Variants in GALNT13 observed in about 807,000 individuals in gnomAD.
The protein encoded by GALNT13 is UDP-GalNAc:polypeptide N-acetylgalactosaminyltransferase 13.
In GALNT13, 28 loss-of-function variants were observed where a neutral mutation model predicts 64.2. That is an observed-to-expected ratio of 0.44 (90% CI 0.32 to 0.60). GALNT13 has a LOEUF of 0.60. Ranked by LOEUF, GALNT13 falls within the 20% of genes least tolerant of loss-of-function variation. The pLI is 0.05. For missense variants in GALNT13, 577 were observed against 669.8 expected, an observed-to-expected ratio of 0.86 and a Z score of 1.53; for synonymous variants, 214 against 224.6, an observed-to-expected ratio of 0.95 and a Z score of 0.42.
the GALNT13 span, among the ~76,000 whole-genome samples, chr2:153,122,581 A>T: frequency 1.3e-5 from 2 of 152,170 alleles, no homozygotes; most frequent in Non-Finnish European, 2.9e-5. Context: ...GATGCAGAAG[A>T]CAAAGCTCTG....
chr2:153,178,431 G>C, the GALNT13 span, among the ~76,000 whole-genome samples: 404 of 152,140 alleles, frequency 2.7e-3, 4 homozygotes, highest in African/African-American at 9.2e-3. Flanking sequence ...TCTCATTGTG[G>C]TTTTAGTTTG....
the GALNT13 span, among the ~76,000 whole-genome samples, chr2:153,265,640 C>G: frequency 6.6e-6 from 1 of 152,108 alleles, no homozygotes; most frequent in Non-Finnish European, 1.5e-5. Context: ...GTATTGTGAT[C>G]TCTAATCTGA....
At chr2:153,551,047 A>G in the GALNT13 span, among the ~76,000 whole-genome samples, 1 of 152,194 alleles carries the variant, frequency 6.6e-6, no homozygotes, top group East Asian at 1.9e-4. Flanking sequence ...ATTGTAATAC[A>G]AGTCCAAAAA....
intron 2 of GALNT13, among the ~76,000 whole-genome samples, chr2:153,909,898 G>T (rs1413279271): frequency 6.6e-6 from 1 of 151,954 alleles, no homozygotes; most frequent in African/African-American, 2.4e-5. Flanking sequence ...TTCTCTTTTG[G>T]TTGTGTCACT....
chr2:154,147,611 G>C (rs1177249830), intron 4 of GALNT13, among the ~76,000 whole-genome samples: 1 of 151,846 alleles, frequency 6.6e-6, no homozygotes, highest in African/African-American at 2.4e-5. Flanking sequence ...TCTTTGCTAG[G>C]AATGTGCATC....
the GALNT13 span, among the ~76,000 whole-genome samples, chr2:153,699,589 C>T: frequency 4.6e-5 from 7 of 151,224 alleles, no homozygotes; most frequent in Admixed American, 1.3e-4. Flanking sequence ...ATAGACGGAC[C>T]GCAAGCTAGA....
chr2:153,867,673 T>C (rs1281880801), upstream of GALNT13, among the ~76,000 whole-genome samples: 2 of 151,874 alleles, frequency 1.3e-5, no homozygotes, highest in Non-Finnish European at 2.9e-5. Context: ...TAATGTAGAA[T>C]CAGTGGGAGC....
the GALNT13 span, among the ~76,000 whole-genome samples, chr2:153,761,193 T>A: frequency 2.0e-5 from 3 of 152,196 alleles, no homozygotes; most frequent in African/African-American, 7.2e-5. Context: ...TCTATGTCTT[T>A]TTATTGGACA....
chr2:153,593,402 T>A, the GALNT13 span: 1 of 151,968 alleles, frequency 6.6e-6, no homozygotes, highest in Non-Finnish European at 1.5e-5. Flanking sequence ...CTCACCCCCA[T>A]CCCCCACAGC....
the GALNT13 span, among the ~76,000 whole-genome samples, chr2:153,567,233 C>T: frequency 6.6e-6 from 1 of 152,190 alleles, no homozygotes; most frequent in Non-Finnish European, 1.5e-5. Context: ...CTGCCTTCTT[C>T]TCACTGGAGT....
At chr2:153,635,905 G>A in the GALNT13 span, among the ~76,000 whole-genome samples, 4 of 152,022 alleles carry the variant, frequency 2.6e-5, no homozygotes, top group East Asian at 7.7e-4. Context: ...TGAGGCAGGG[G>A]TAAAAAGAAA....
chr2:154,190,947 GTATC>G (rs1686543386), intron 4 of GALNT13, among the ~76,000 whole-genome samples: 1 of 152,136 alleles, frequency 6.6e-6, no homozygotes, highest in Non-Finnish European at 1.5e-5. Context: ...AATCTGGTGT[GTATC>G]TTATACTTAA....
chr2:154,158,528 C>T (rs1370462399), intron 4 of GALNT13, among the ~76,000 whole-genome samples: 1 of 151,646 alleles, frequency 6.6e-6, no homozygotes, highest in African/African-American at 2.4e-5. Context: ...TCTTTAGCAC[C>T]CTTCCATCTC....
chr2:153,300,105 T>C, the GALNT13 span, among the ~76,000 whole-genome samples: 2 of 152,178 alleles, frequency 1.3e-5, no homozygotes, highest in South Asian at 2.1e-4. Flanking sequence ...TTACTGTTAC[T>C]GAGATTTTAT....
chr2:153,260,240 C>T, the GALNT13 span, among the ~76,000 whole-genome samples: 4 of 152,116 alleles, frequency 2.6e-5, no homozygotes, highest in African/African-American at 4.8e-5. Flanking sequence ...GAGTAGTTTA[C>T]ACAGCACAGT....
At chr2:154,296,091 A>C (rs1692908096) in intron 8 of GALNT13, among the ~76,000 whole-genome samples, 1 of 151,960 alleles carries the variant, frequency 6.6e-6, no homozygotes, top group Non-Finnish European at 1.5e-5. Context: ...GATCTGCCAT[A>C]TTGTTAGTCC....
the GALNT13 span, among the ~76,000 whole-genome samples, chr2:153,089,809 A>G: frequency 2.0e-5 from 3 of 151,662 alleles, no homozygotes; most frequent in African/African-American, 4.8e-5. Flanking sequence ...TGTGATACCT[A>G]TTTCTCTGGA....
chr2:153,921,587 A>T (rs1457450258), intron 2 of GALNT13, among the ~76,000 whole-genome samples: 2 of 152,160 alleles, frequency 1.3e-5, no homozygotes, highest in East Asian at 3.9e-4. Flanking sequence ...TGTATAACAA[A>T]ACTGCACATG....
At chr2:153,304,947 G>A in the GALNT13 span, among the ~76,000 whole-genome samples, 1 of 152,170 alleles carries the variant, frequency 6.6e-6, no homozygotes, top group Non-Finnish European at 1.5e-5. Flanking sequence ...TGAGGGTTAA[G>A]GGGTGGGTAT....
Sources: allele counts gnomAD v4.1 joint callset (sites outside exome capture counted in the v4.1 genomes callset), GRCh38; gene constraint gnomAD v4.1.1; transcripts MANE v1.5; gene names NCBI Gene and HGNC (gene_info 2026-07-23, HGNC 2026-07-21).